The following MYO7B variants were observed in gnomAD, a reference collection of about 807,000 sequenced individuals.
MYO7B encodes unconventional myosin-VIIb.
A neutral mutation model predicts 259.7 loss-of-function variants in MYO7B; 212 were observed. The observed-to-expected ratio is 0.82, with a 90% CI of 0.73 to 0.91. The LOEUF is 0.91. MYO7B is among the 40% of genes least tolerant of loss of function. The pLI is 0.00. For missense variants in MYO7B, 2,732 were observed against 2,813.5 expected (o/e 0.97, Z 0.66); for synonymous variants, 1,197 against 1,166.4 (o/e 1.03, Z -0.54).
intron 14 of MYO7B, among the ~76,000 whole-genome samples, chr2:127,587,002 G>C (rs1365257142): frequency 6.6e-6 from 1 of 152,100 alleles, no homozygotes; most frequent in Non-Finnish European, 1.5e-5. Context: ...TGCAGGAAGA[G>C]GTGGGAAACA....
At position 127,629,759 on chromosome 2, in the gene MYO7B, C is replaced by T. The variant is rs568585056; in HGVS notation, c.4739C>T (p.Thr1580Met). ...GGCCAGAACGACAGGACAGGCAAGA[C>T]GGGGCTGGTGCCCATGGCCTGCCTC... The part of the protein sequence containing the change: ...TLGQNDRTGK[T>M]GLVPMACLYT... The change falls in exon 35 of 48, where the codon ACG (threonine) becomes ATG (methionine). Residue 1580 changes from threonine to methionine, a missense_variant. Thr to Met is a moderately conservative substitution (Grantham distance 81). Around this residue, in one of 3 missense-constraint regions of MYO7B, gnomAD observed 821 missense variants for 769.3 expected, o/e 1.07. Coordinates refer to ENST00000409816, the MANE Select transcript of MYO7B (RefSeq NM_001393586.1). 608 of 1,610,786 alleles carry T rather than the reference C, an allele frequency of 3.8e-4. 12 individuals carry two copies. In the South Asian group the frequency reaches 6.1e-3, roughly 16 times the overall value.
rs764505148 is a variant in MYO7B, at chr2:127,630,826, G to A, written c.4855G>A (p.Gly1619Arg). The stretch of plus-strand genomic sequence containing the variant: ...GAAGAGGAAGCTGGCGGCTCAGGAG[G>A]GGCAGTTCACAGAGCCACGTCCTGA... ...PEKRKLAAQE[G>R]QFTEPRPEEP... The change falls in exon 36 of 48, where the codon GGG (glycine) becomes AGG (arginine). Residue 1619 changes from glycine (G) to arginine (R), a missense_variant. Physicochemically the swap from Gly to Arg is moderately radical, Grantham distance 125. This residue lies in a region of MYO7B where 821 missense variants were observed against 769.3 expected (regional missense o/e 1.07). Transcript: ENST00000409816. 14 of 1,612,932 alleles carry A rather than the reference G, an allele frequency of 8.7e-6. No homozygotes were observed. Among genetic ancestry groups the A allele is most frequent in the African/African-American group, 1.3e-5 (1 of 74,922 alleles).
Position 127,631,604 on chromosome 2 carries a change from C to T in MYO7B, c.5100C>T (p.Ile1700=). ...WDIACQIFVA[I]LRYMGDYPSR... ...TGTGCTCCTTGACAGCCACACCCAT[C>T]CTCCGGTACATGGGCGACTACCCTT... Residue 1700 remains isoleucine, a synonymous_variant, in exon 38 of 48, where the codon ATC becomes ATT. Transcript: ENST00000409816. 6.2e-7 allele frequency: 1 copy of T among 1,613,022 alleles called. No homozygotes were observed. Among genetic ancestry groups the T allele is most frequent in the Non-Finnish European group, 8.5e-7 (1 of 1,179,748 alleles).
Position 127,590,016 on chromosome 2 carries a change from C to T in MYO7B, c.1855-76C>T, listed in dbSNP as rs1460955833. The stretch of plus-strand genomic sequence containing the variant: ...CACCTGTGGGGCCTTGGCCGCAACC[C>T]TTGCTGGCCTACAGGGTCAGCTGTC... On this transcript the variant is annotated intron_variant, in intron 15 of 47. Transcript: ENST00000409816. This position sits in a 1 kb window ranked among gnomAD's most constrained non-coding sequence, Gnocchi z 4.6. 3 of 1,503,248 alleles carry T rather than the reference C, an allele frequency of 2.0e-6. No individual in the cohort carries two copies. Among genetic ancestry groups the T allele is most frequent in the Non-Finnish European group, 2.7e-6 (3 of 1,109,474 alleles). 93.1% of individuals were successfully genotyped at this position (1,503,248 alleles called of 1,614,324 possible). A position where few individuals can be genotyped will look rare whatever the true frequency, so the allele number is the denominator to read the frequency against.
intron 26 of MYO7B, among the ~76,000 whole-genome samples, chr2:127,619,668 G>C (rs912092726): frequency 3.9e-5 from 6 of 152,090 alleles, no homozygotes; most frequent in Admixed American, 3.3e-4. Flanking sequence ...TTTCTTCTTG[G>C]GGGAGCTGGT....
At chr2:127,588,771 G>A (rs1172907526) in intron 15 of MYO7B, among the ~76,000 whole-genome samples, 24 of 131,208 alleles carry the variant, frequency 1.8e-4, no homozygotes, top group South Asian at 2.9e-4. Flanking sequence ...TGGGTGAGTG[G>A]ATGGATGGGT....
At chr2:127,608,667 C>T (rs1471832044) in intron 21 of MYO7B, 41 bp from the exon 22 acceptor site, 4 of 1,585,202 alleles carry the variant, frequency 2.5e-6, no homozygotes, top group Admixed American at 1.7e-5. Flanking sequence ...CCCCTGAGCC[C>T]TGCTGGGCCC....
At chr2:127,619,013 G>T (rs1680702628) in intron 26 of MYO7B, among the ~76,000 whole-genome samples, 2 of 150,074 alleles carry the variant, frequency 1.3e-5, no homozygotes, top group Admixed American at 6.6e-5. Context: ...GTGGTGGCTG[G>T]TTGGGTTGTG....
rs74342907 is a variant in MYO7B, at chr2:127,546,238, C to T, written c.-24+10407C>T. 5.9e-3 allele frequency among the ~76,000 whole-genome samples: 893 copies of T among 152,332 alleles called. 8 individuals are homozygous for T. Among genetic ancestry groups the T allele is most frequent in the African/African-American group, 0.02 (842 of 41,574 alleles). ...GGCCAGAGTCTCAATGTTAGCTTTG[C>T]TTCTTGGACCCCTGGTTCCTGATCT... is the stretch of plus-strand genomic sequence containing the variant. On this transcript the variant is annotated intron_variant, in intron 1 of 47. Coordinates refer to ENST00000409816, the MANE Select transcript of MYO7B (RefSeq NM_001393586.1). This position sits in a 1 kb window ranked among gnomAD's most constrained non-coding sequence, Gnocchi z 4.2.
chr2:127,544,565 C>T (rs55764942), intron 1 of MYO7B, among the ~76,000 whole-genome samples: 22,148 of 147,802 alleles, frequency 0.15, 1,791 homozygotes, highest in African/African-American at 0.2. Context: ...TGTGCCACCA[C>T]GTCTGGCTAA....
At chr2:127,536,790 A>G (rs1475710863) in intron 1 of MYO7B, among the ~76,000 whole-genome samples, 1 of 152,172 alleles carries the variant, frequency 6.6e-6, no homozygotes, top group Admixed American at 6.5e-5. Context: ...ACACACCCTC[A>G]GTGAATCATT....
rs1457382628 is a variant in MYO7B at position 127,559,663 on chromosome 2, G to A, written c.-23-37G>A. 6.8e-6 allele frequency: 11 copies of A among 1,606,520 alleles called. No individual in the cohort carries two copies. Among genetic ancestry groups the A allele is most frequent in the African/African-American group, 2.7e-5 (2 of 74,760 alleles). On this transcript the variant is annotated intron_variant, in intron 1 of 47. Transcript: ENST00000409816. The surrounding 1 kb of genome is among the most constrained non-coding windows in gnomAD (Gnocchi z 4.1). The stretch of plus-strand genomic sequence containing the variant: ...CTCCAGGGGCTCCTATTGGGGCTGT[G>A]TATGGAGCTGACGTTCTGCTTTCTC...
In MYO7B at chr2:127,629,784, C is replaced by G. The variant is rs962496956; in HGVS notation, c.4764C>G (p.Leu1588=). ...CGGGGCTGGTGCCCATGGCCTGCCT[C>G]TACACCATCCCCACGGTCACTAAGC... ...GKTGLVPMAC[L]YTIPTVTKPS... is the part of the protein sequence containing the mutation. The change falls in exon 35 of 48, where the codon CTC becomes CTG. Residue 1588 remains leucine (L), a synonymous_variant. Transcript: ENST00000409816. 10 of 1,597,564 alleles carry G rather than the reference C, an allele frequency of 6.3e-6. No homozygotes were observed. The highest frequency in any genetic ancestry group is 6.8e-6 in the Non-Finnish European group (8 of 1,171,088).
chr2:127,570,023 G>A, intron 6 of MYO7B, 113 bp downstream of exon 6: 1 of 1,286,420 alleles, frequency 7.8e-7, no homozygotes, highest in Non-Finnish European at 1.0e-6. Context: ...AACTCCTCCA[G>A]ACCCTTGGGA....
intron 19 of MYO7B, among the ~76,000 whole-genome samples, chr2:127,601,913 T>C (rs1284819816): frequency 6.6e-6 from 1 of 152,204 alleles, no homozygotes; most frequent in Non-Finnish European, 1.5e-5. Flanking sequence ...CCATTACATA[T>C]CATTTCACTC....
At chr2:127,548,917 A>G (rs1246689856) in intron 1 of MYO7B, among the ~76,000 whole-genome samples, 1 of 152,074 alleles carries the variant, frequency 6.6e-6, no homozygotes, top group East Asian at 1.9e-4. Context: ...TCTGTTATTG[A>G]TTTCTAGTTT....
intron 1 of MYO7B, among the ~76,000 whole-genome samples, chr2:127,549,262 C>T (rs924419086): frequency 6.6e-6 from 1 of 152,104 alleles, no homozygotes; most frequent in Non-Finnish European, 1.5e-5. Flanking sequence ...ACTAACCCAA[C>T]CCTTTCTTTT....
Position 127,590,783 on chromosome 2 carries a change from A to T in MYO7B, c.1992+554A>T, listed in dbSNP as rs557087633. ...AGTCCCACCCAGAGGCCGCATATGCAGGGATTCCCCAAACTAGGAGACATC... is the reference window on the plus strand; with the variant it reads ...AGTCCCACCCAGAGGCCGCATATGCTGGGATTCCCCAAACTAGGAGACATC... On this transcript the variant is annotated intron_variant, in intron 16 of 47. Coordinates refer to ENST00000409816, the MANE Select transcript of MYO7B (RefSeq NM_001393586.1). The surrounding 1 kb of genome is among the most constrained non-coding windows in gnomAD (Gnocchi z 4.6). Among the ~76,000 whole-genome samples the T allele has an allele frequency of 3.5e-3, 527 of 152,352 alleles. 1 individual carries two copies. Among genetic ancestry groups the T allele is most frequent in the Non-Finnish European group, 5.2e-3 (353 of 68,032 alleles).
chr2:127,569,994 T>C, intron 6 of MYO7B, 84 bp downstream of exon 6: 2 of 1,458,654 alleles, frequency 1.4e-6, no homozygotes, highest in East Asian at 2.4e-5. Flanking sequence ...AGGGACAGGA[T>C]AGGCCACAAA....
Sources: allele counts gnomAD v4.1 joint callset (sites outside exome capture counted in the v4.1 genomes callset), GRCh38; gene constraint gnomAD v4.1.1; regional missense constraint gnomAD v4.1.1; non-coding constraint Gnocchi (gnomAD v3.1); transcripts MANE v1.5; gene names NCBI Gene and HGNC (gene_info 2026-07-23, HGNC 2026-07-21).